The following HERC2 variants were observed in gnomAD, a reference collection of about 807,000 sequenced individuals.
The protein encoded by HERC2 is E3 ubiquitin-protein ligase HERC2.
Under a neutral mutation model 537.7 loss-of-function variants are expected in HERC2, and 102 were observed. The observed-to-expected ratio is 0.19, with a 90% CI of 0.16 to 0.22. HERC2 has a LOEUF of 0.22. HERC2 is among the 10% of genes least tolerant of loss of function. HERC2 has a pLI of 1.00. For missense variants in HERC2, 4,236 were observed against 6,198.2 expected (o/e 0.68, Z 10.63); for synonymous variants, 2,224 against 2,466.2 (o/e 0.90, Z 2.91).
chr15:28,178,426 T>A lies in HERC2; in HGVS notation c.9163+461A>T, dbSNP rs564389980. Among the ~76,000 whole-genome samples the A allele has an allele frequency of 2.0e-5, 3 of 152,306 alleles. No individual in the cohort carries two copies. In the South Asian group the frequency reaches 6.2e-4, roughly 32 times the overall value. ...CTTTTACAAAGGAGAAAAGTAAAAC[T>A]CTATATTGCTTAAGCCACCATCATT... On this transcript the variant is annotated intron_variant, in intron 59 of 92. Coordinates refer to ENST00000261609, the MANE Select transcript of HERC2 (RefSeq NM_004667.6).
intron 64 of HERC2, among the ~76,000 whole-genome samples, chr15:28,174,959 A>G (rs1895113383): frequency 6.6e-6 from 1 of 152,136 alleles, no homozygotes; most frequent in South Asian, 2.1e-4. Flanking sequence ...AAATGACCAA[A>G]AACAGTATGC....
intron 26 of HERC2, among the ~76,000 whole-genome samples, chr15:28,235,313 T>C (rs2428648): frequency 6.1e-4 from 93 of 152,238 alleles, no homozygotes; most frequent in East Asian, 6.0e-3. Flanking sequence ...TCCTGTGGAT[T>C]GGACCCACCT....
chr15:28,279,877 T>C (rs2075978110), intron 5 of HERC2, among the ~76,000 whole-genome samples, 191 bp downstream of exon 5: 1 of 152,188 alleles, frequency 6.6e-6, no homozygotes, highest in Admixed American at 6.5e-5. Flanking sequence ...TTACACAGCA[T>C]GGTCTATTAC....
At chr15:28,206,606 G>A (rs1159042868) in intron 44 of HERC2, among the ~76,000 whole-genome samples, 3 of 151,582 alleles carry the variant, frequency 2.0e-5, no homozygotes, top group Non-Finnish European at 4.4e-5. Flanking sequence ...GGCCAAGGCG[G>A]GTGGATCACA....
chr15:28,116,671 A>G lies in HERC2; in HGVS notation c.13603T>C (p.Phe4535Leu). 6.2e-7 allele frequency: 1 copy of G among 1,607,258 alleles called. No individual in the cohort carries two copies. Among genetic ancestry groups the G allele is most frequent in the Non-Finnish European group, 8.5e-7 (1 of 1,175,860 alleles). ...AAGCGGCCGAGAAGCTCACCCAGGAAGCGGAACATGCTGCTGTGCACGGGT... is the reference window on the plus strand; with the variant it reads ...AAGCGGCCGAGAAGCTCACCCAGGAGGCGGAACATGCTGCTGTGCACGGGT... ...RAPVHSSMFRFLGVLLGIAIR... is the reference protein window; with the variant it reads ...RAPVHSSMFRLLGVLLGIAIR... The change falls in exon 88 of 93, where the codon TTC (phenylalanine) becomes CTC (leucine). Residue 4535 changes from phenylalanine (F) to leucine (L), a missense_variant. By Grantham distance (22) the Phe-to-Leu change is conservative (BLOSUM62 0). Around this residue, in one of 27 missense-constraint regions of HERC2, gnomAD observed 313 missense variants for 462.6 expected, o/e 0.68. Coordinates refer to ENST00000261609, the MANE Select transcript of HERC2 (RefSeq NM_004667.6).
chr15:28,275,395 G>C (rs2075844533), intron 5 of HERC2, among the ~76,000 whole-genome samples: 1 of 152,188 alleles, frequency 6.6e-6, no homozygotes, highest in African/African-American at 2.4e-5. Context: ...AGCCGCAGAG[G>C]GTAGCCTGGC....
At position 28,272,441 on chromosome 15, in the gene HERC2, C is replaced by A. The variant is rs150960375; in HGVS notation, c.912-55G>T. On this transcript the variant is annotated intron_variant, in intron 8 of 92. Coordinates refer to ENST00000261609, the MANE Select transcript of HERC2 (RefSeq NM_004667.6). ...AAAACAGATTAACTTCTTTTCTTCA[C>A]AGTTGATCAAAAATAAAAGCAAATA... The A allele has an allele frequency of 2.7e-6, 4 of 1,489,484 alleles. No homozygotes were observed. The South Asian group carries it at 3.6e-5, about 14-fold the overall frequency. 92.3% of individuals were successfully genotyped at this position (1,489,484 alleles called of 1,614,324 possible).
At chr15:28,235,067 T>C (rs1596298026) in intron 26 of HERC2, among the ~76,000 whole-genome samples, 1 of 152,084 alleles carries the variant, frequency 6.6e-6, no homozygotes, top group African/African-American at 2.4e-5. Context: ...AGTGCACCAC[T>C]ACAGATCTCT....
chr15:28,301,985 A>G (rs2076650584), intron 2 of HERC2, among the ~76,000 whole-genome samples: 1 of 149,526 alleles, frequency 6.7e-6, no homozygotes, highest in African/African-American at 2.5e-5. Flanking sequence ...TTTTTGGTAG[A>G]GATGGGGTTT....
At chr15:28,270,012 A>T (rs975447850) in intron 10 of HERC2, among the ~76,000 whole-genome samples, 1 of 152,220 alleles carries the variant, frequency 6.6e-6, no homozygotes, top group African/African-American at 2.4e-5. Context: ...CCCAGGCTGC[A>T]GTGCAATGGC....
In HERC2 at chr15:28,122,117, GA is replaced by G. The variant is rs60336835; in HGVS notation, c.13189-689del. Among the ~76,000 whole-genome samples the G allele has an allele frequency of 1, 145,504 of 145,602 alleles. 72,703 individuals carry two copies. The highest frequency in any genetic ancestry group is 1 in the Middle Eastern group (268 of 268). ...GACAGAAAAGACAGACCGGGGAGGG[GA>G]AACAAGGTCCTGGCTGGGATCACAC... On this transcript the variant is annotated intron_variant, in intron 85 of 92. Transcript: ENST00000261609. The surrounding 1 kb of genome is among the most constrained non-coding windows in gnomAD (Gnocchi z 4.1).
chr15:28,247,045 G>T, intron 21 of HERC2, 148 bp from the exon 22 acceptor site: 2 of 679,876 alleles, frequency 2.9e-6, no homozygotes, highest in Non-Finnish European at 4.9e-6. Context: ...TTGTCCTTGC[G>T]CTCTTTCTGT....
intron 65 of HERC2, among the ~76,000 whole-genome samples, chr15:28,173,955 T>A (rs1274475232): frequency 1.3e-5 from 2 of 152,014 alleles, no homozygotes; most frequent in Admixed American, 1.3e-4. Context: ...TGGGGTAGTG[T>A]ATGAGTTCAT....
chr15:28,263,843 G>T (rs2075481634), intron 14 of HERC2, among the ~76,000 whole-genome samples: 1 of 151,756 alleles, frequency 6.6e-6, no homozygotes, highest in South Asian at 2.1e-4. Flanking sequence ...ACCAGCCTGG[G>T]CAACATGGCA....
At chr15:28,134,790 C>T (rs1890453354) in intron 79 of HERC2, among the ~76,000 whole-genome samples, 1 of 151,538 alleles carries the variant, frequency 6.6e-6, no homozygotes, top group Non-Finnish European at 1.5e-5. Context: ...GCAACCTCCA[C>T]CTCCCGAGAA....
Position 28,214,575 on chromosome 15 carries a change from G to A in HERC2, c.6358+80C>T, listed in dbSNP as rs1013541480. Reference sequence around the variant, plus strand: ...GCGCCGCTCTTCACCAGGGCACAGGGAAGGGAAACGGCCACCCACCTGAGT... The same window carrying A: ...GCGCCGCTCTTCACCAGGGCACAGGAAAGGGAAACGGCCACCCACCTGAGT... On this transcript the variant is annotated intron_variant, in intron 40 of 92. Transcript: ENST00000261609. 5.3e-6 allele frequency: 8 copies of A among 1,499,076 alleles called. No individual in the cohort carries two copies. The African/African-American group carries it at 5.9e-5, about 11-fold the overall frequency. 92.9% of individuals were successfully genotyped at this position (1,499,076 alleles called of 1,614,324 possible). A position where few individuals can be genotyped will look rare whatever the true frequency, so the allele number is the denominator to read the frequency against.
intron 4 of HERC2, among the ~76,000 whole-genome samples, chr15:28,284,614 C>T (rs2076104352): frequency 6.6e-6 from 1 of 151,792 alleles, no homozygotes; most frequent in Non-Finnish European, 1.5e-5. Context: ...ATAAAGTAAA[C>T]TTCAGAGCAA....
intron 65 of HERC2, among the ~76,000 whole-genome samples, chr15:28,173,237 T>C (rs1168795330): frequency 6.6e-6 from 1 of 152,176 alleles, no homozygotes; most frequent in Non-Finnish European, 1.5e-5. Context: ...CCAAGAGAAT[T>C]TCAAGTGGAT....
chr15:28,153,503 T>C (rs1292400038), intron 69 of HERC2, among the ~76,000 whole-genome samples: 1 of 151,496 alleles, frequency 6.6e-6, no homozygotes, highest in African/African-American at 2.4e-5. Flanking sequence ...AAAATACAAT[T>C]AGCTGGGTAT....
Sources: gnomAD v4.1 joint callset for allele counts (sites outside exome capture counted in the v4.1 genomes callset) on GRCh38, gnomAD v4.1.1 for gene constraint, gnomAD v4.1.1 regional missense constraint, Gnocchi (gnomAD v3.1) non-coding constraint, MANE v1.5 for transcripts, NCBI Gene and HGNC (gene_info 2026-07-23, HGNC 2026-07-21) for gene names.